XIRP2: variants seen among roughly 807,000 people sequenced by gnomAD.
The protein encoded by XIRP2 is xin actin binding repeat containing 2.
A neutral mutation model predicts 277.0 loss-of-function variants in XIRP2; 236 were observed. The observed-to-expected ratio is 0.85, with a 90% confidence interval of 0.77 to 0.95. The LOEUF (loss-of-function observed/expected upper bound fraction) is 0.95, where lower values mean the gene tolerates loss of function less well. Ranked by LOEUF, XIRP2 falls within the 40% of genes least tolerant of loss-of-function variation. XIRP2 has a pLI of 0.00. For missense variants in XIRP2, 4,640 were observed against 4,157.5 expected (o/e 1.12, Z -3.19); for synonymous variants, 1,490 against 1,416.5 (o/e 1.05, Z -1.17).
At chr2:166,951,161 G>A (rs1407169680) in intron 2 of XIRP2, among the ~76,000 whole-genome samples, 5 of 152,026 alleles carry the variant, frequency 3.3e-5, no homozygotes, top group Non-Finnish European at 7.4e-5. Context: ...AAACATTTAA[G>A]CATTCATAAT....
chr2:166,895,909 A>G (rs1203547837), intron 1 of XIRP2, among the ~76,000 whole-genome samples: 1 of 152,190 alleles, frequency 6.6e-6, no homozygotes, highest in Non-Finnish European at 1.5e-5. Context: ...CAAAGTCATG[A>G]CTACTACATA....
intron 2 of XIRP2, among the ~76,000 whole-genome samples, chr2:167,022,849 C>A (rs1016919537): frequency 5.9e-5 from 9 of 152,014 alleles, no homozygotes; most frequent in Non-Finnish European, 1.2e-4. Context: ...TAATACAGTC[C>A]ATCATTGTTG....
intron 2 of XIRP2, among the ~76,000 whole-genome samples, chr2:167,036,337 G>A (rs548874316): frequency 6.6e-6 from 1 of 152,144 alleles, no homozygotes; most frequent in Admixed American, 6.5e-5. Flanking sequence ...CCCTGCAAAA[G>A]CACAGGGATA....
At chr2:166,950,733 T>A (rs1234139216) in intron 2 of XIRP2, among the ~76,000 whole-genome samples, 1 of 152,046 alleles carries the variant, frequency 6.6e-6, no homozygotes, top group Non-Finnish European at 1.5e-5. Context: ...TTAGAATGAT[T>A]TTCTAAGGCA....
chr2:167,026,356 C>T (rs543617172), intron 2 of XIRP2, among the ~76,000 whole-genome samples: 325 of 152,076 alleles, frequency 2.1e-3, no homozygotes, highest in African/African-American at 5.2e-3. Context: ...TGTCTCTGCA[C>T]GTGAGATGGG....
At position 167,211,737 on chromosome 2, in the gene XIRP2, A is replaced by G. The variant is rs564006892; in HGVS notation, c.723+842A>G. 2.6e-5 allele frequency among the ~76,000 whole-genome samples: 4 copies of G among 152,310 alleles called. No homozygotes were observed. In the East Asian group the frequency reaches 7.7e-4, roughly 29 times the overall value. On this transcript the variant is annotated intron_variant, in intron 4 of 10. Coordinates refer to ENST00000409195, the MANE Select transcript of XIRP2 (RefSeq NM_152381.6). ...ATCCATTAGGAAAGGTTTAATCAAC[A>G]TAAAAATGAGAGAGATTAGCAATGT... is the stretch of plus-strand genomic sequence containing the variant.
At chr2:166,888,710 T>C (rs1684019244) in intron 1 of XIRP2, among the ~76,000 whole-genome samples, 153 bp downstream of exon 1, 1 of 152,186 alleles carries the variant, frequency 6.6e-6, no homozygotes, top group Middle Eastern at 3.2e-3. Flanking sequence ...CACAGCATCA[T>C]CAACAAATTC....
intron 2 of XIRP2, among the ~76,000 whole-genome samples, chr2:167,035,618 A>G (rs1201304537): frequency 6.6e-6 from 1 of 152,206 alleles, no homozygotes; most frequent in Non-Finnish European, 1.5e-5. Context: ...GCAGAGCATA[A>G]AAGGTCGGAA....
rs750387887 is a variant in XIRP2 at position 167,243,460 on chromosome 2, A to C, written c.2068A>C (p.Lys690Gln). The change falls in exon 9 of 11, where the codon AAG becomes CAG. Residue 690 changes from lysine (K) to glutamine (Q), a missense_variant. By Grantham distance (53) the Lys-to-Gln change is moderately conservative. Transcript: ENST00000409195. Reference protein sequence around the residue: ...ISKDITGGDVKTVRYMFETQH... With the variant: ...ISKDITGGDVQTVRYMFETQH... Reference sequence around the variant, plus strand: ...TAAGGACATAACTGGGGGGGATGTCAAGACTGTGAGATACATGTTTGAAAC... The same window carrying C: ...TAAGGACATAACTGGGGGGGATGTCCAGACTGTGAGATACATGTTTGAAAC... The C allele has an allele frequency of 6.2e-7, 1 of 1,614,024 alleles. No individual in the cohort carries two copies. The highest frequency in any genetic ancestry group is 8.5e-7 in the Non-Finnish European group (1 of 1,180,000).
intron 2 of XIRP2, among the ~76,000 whole-genome samples, chr2:166,983,852 G>A (rs764965799): frequency 6.6e-6 from 1 of 152,120 alleles, no homozygotes; most frequent in Non-Finnish European, 1.5e-5. Flanking sequence ...GCTTTTAATC[G>A]TGTATGCCAC....
At chr2:167,170,858 A>T (rs1692667108) in intron 3 of XIRP2, among the ~76,000 whole-genome samples, 2 of 141,896 alleles carry the variant, frequency 1.4e-5, no homozygotes, top group African/African-American at 5.2e-5. Flanking sequence ...TTCTTTTTTC[A>T]GCTGCTAAGG....
chr2:167,068,926 G>A (rs1443907845), intron 2 of XIRP2, among the ~76,000 whole-genome samples: 8 of 152,088 alleles, frequency 5.3e-5, no homozygotes. Flanking sequence ...ATGTGGCCTA[G>A]GGAAGCCAAA....
chr2:166,960,790 T>C (rs898721910), intron 2 of XIRP2, among the ~76,000 whole-genome samples: 1 of 151,722 alleles, frequency 6.6e-6, no homozygotes, highest in Non-Finnish European at 1.5e-5. Flanking sequence ...GAACTCTTTA[T>C]AAGGATTTTA....
chr2:166,918,134 C>A lies in XIRP2; in HGVS notation c.408+14244C>A, dbSNP rs1203736589. On this transcript the variant is annotated intron_variant, in intron 2 of 10. Coordinates refer to ENST00000409195, the MANE Select transcript of XIRP2 (RefSeq NM_152381.6). The stretch of plus-strand genomic sequence containing the variant: ...TCAATAAGTCTGATTACTGGTGATA[C>A]TGTGTGATCACTTAGGTGAGGTAAT... Among the ~76,000 whole-genome samples, 4 of 152,294 alleles carry A rather than the reference C, an allele frequency of 2.6e-5. No homozygotes were observed. The East Asian group carries it at 7.7e-4, about 29-fold the overall frequency.
chr2:167,240,622 CT>C (rs1301614663), intron 6 of XIRP2, 41 bp from the exon 7 acceptor site: 1 of 1,560,870 alleles, frequency 6.4e-7, no homozygotes, highest in East Asian at 2.3e-5. Context: ...AAATAATTGA[CT>C]TCTTAAAAAC....
intron 2 of XIRP2, among the ~76,000 whole-genome samples, chr2:167,088,073 A>T (rs188787979): frequency 4.6e-5 from 7 of 152,308 alleles, no homozygotes; most frequent in African/African-American, 1.7e-4. Flanking sequence ...TTCTGGCAAC[A>T]GCTATCTTAA....
At chr2:167,084,550 G>T (rs1287792421) in intron 2 of XIRP2, among the ~76,000 whole-genome samples, 1 of 151,510 alleles carries the variant, frequency 6.6e-6, no homozygotes, top group African/African-American at 2.4e-5. Context: ...GGTAGAATTC[G>T]GCTGTGAATC....
chr2:166,911,357 C>G (rs894875939), intron 2 of XIRP2, among the ~76,000 whole-genome samples: 16 of 152,166 alleles, frequency 1.1e-4, no homozygotes, highest in Admixed American at 3.3e-4. Flanking sequence ...GATCCCTTTA[C>G]CATTACGTAA....
At chr2:167,137,296 G>A (rs1691584124) in intron 3 of XIRP2, among the ~76,000 whole-genome samples, 1 of 152,112 alleles carries the variant, frequency 6.6e-6, no homozygotes, top group South Asian at 2.1e-4. Flanking sequence ...AATTCATTTT[G>A]GTATGCCCAA....
Sources: gnomAD v4.1 joint callset for allele counts (sites outside exome capture counted in the v4.1 genomes callset) on GRCh38, gnomAD v4.1.1 for gene constraint, MANE v1.5 for transcripts, NCBI Gene and HGNC (gene_info 2026-07-23, HGNC 2026-07-21) for gene names.